The following RARB variants were observed in gnomAD, a reference collection of about 807,000 sequenced individuals.
RARB encodes the protein HBV-activated protein.
Under a neutral mutation model 51.9 loss-of-function variants are expected in RARB, and 17 were observed. That is an observed-to-expected ratio of 0.33 (90% CI 0.22 to 0.49). The LOEUF (loss-of-function observed/expected upper bound fraction) is 0.49, where lower values mean the gene tolerates loss of function less well. RARB is among the 20% of genes least tolerant of loss of function. RARB has a pLI of 0.99. For synonymous variants in RARB, 215 were observed against 195.4 expected (o/e 1.10, Z -0.84); for missense variants, 369 against 550.8 (o/e 0.67, Z 3.30).
intron 2 of RARB, among the ~76,000 whole-genome samples, chr3:25,483,145 C>T (rs1049119111): frequency 6.6e-6 from 1 of 152,128 alleles, no homozygotes; most frequent in African/African-American, 2.4e-5. Flanking sequence ...CAGAGAACCC[C>T]AAAATGTCAA....
chr3:25,169,021 C>T (rs2125350405), intron 4 of RARB, among the ~76,000 whole-genome samples: 1 of 152,224 alleles, frequency 6.6e-6, no homozygotes, highest in African/African-American at 2.4e-5. Context: ...ATGTAAAAAG[C>T]TTGGGGAAAT....
intron 2 of RARB, among the ~76,000 whole-genome samples, chr3:24,906,168 G>A (rs559092295): frequency 2.2e-4 from 33 of 152,278 alleles, no homozygotes; most frequent in African/African-American, 7.9e-4. Flanking sequence ...GGGATGTCGT[G>A]GCCACATTTT....
chr3:25,230,924 G>A (rs981017619), intron 5 of RARB, among the ~76,000 whole-genome samples: 3 of 152,118 alleles, frequency 2.0e-5, no homozygotes, highest in African/African-American at 7.2e-5. Flanking sequence ...CACAAATCTA[G>A]TTGGTCTTCT....
chr3:24,854,396 T>A (rs766106534), intron 1 of RARB, among the ~76,000 whole-genome samples: 2 of 152,258 alleles, frequency 1.3e-5, no homozygotes, highest in Admixed American at 1.3e-4. Flanking sequence ...CTTGAGTGAC[T>A]ATACTGTACC....
rs150119149 is a variant in RARB, at chr3:25,480,880, G to T, written c.306+19539G>T. ...ATGGAGTACAAGCTTATAATGATGA[G>T]AATCACCTGGATGGCTTGTCAAAGG... is the stretch of plus-strand genomic sequence containing the variant. On this transcript the variant is annotated intron_variant, in intron 2 of 7. Transcript: ENST00000330688. Among the ~76,000 whole-genome samples, 748 of 152,150 alleles carry T rather than the reference G, an allele frequency of 4.9e-3. 9 individuals carry two copies. Among genetic ancestry groups the T allele is most frequent in the African/African-American group, 0.017 (706 of 41,498 alleles).
In RARB at chr3:25,203,900, A is replaced by G. The variant is rs1173666572; in HGVS notation, c.178+29325A>G. Among the ~76,000 whole-genome samples the G allele has an allele frequency of 2.0e-5, 3 of 152,054 alleles. No individual in the cohort carries two copies. The East Asian group carries it at 5.8e-4, about 29-fold the overall frequency. On this transcript the variant is annotated intron_variant, in intron 5 of 11. Coordinates refer to the RARB transcript ENST00000383772. The stretch of plus-strand genomic sequence containing the variant: ...CATTTCAATTATGAATCTGACAATT[A>G]TGTGTCTTGGAGTTGCTCTTCTTGA...
At chr3:25,326,339 G>C (rs1213829870) in intron 5 of RARB, among the ~76,000 whole-genome samples, 1 of 152,144 alleles carries the variant, frequency 6.6e-6, no homozygotes, top group African/African-American at 2.4e-5. Context: ...CTGATAGTTG[G>C]ACAAAGGTTT....
At chr3:24,832,709 G>A (rs1702299367) in intron 1 of RARB, among the ~76,000 whole-genome samples, 1 of 144,880 alleles carries the variant, frequency 6.9e-6, no homozygotes, top group South Asian at 2.2e-4. Flanking sequence ...GAAAATAAAT[G>A]CAATAACATA....
At chr3:24,852,343 C>G (rs1280298928) in intron 1 of RARB, among the ~76,000 whole-genome samples, 3 of 152,132 alleles carry the variant, frequency 2.0e-5, no homozygotes, top group Non-Finnish European at 2.9e-5. Flanking sequence ...ACCGAACCCA[C>G]CTAACAAATC....
chr3:25,227,094 C>T (rs1221459273), intron 5 of RARB, among the ~76,000 whole-genome samples: 1 of 152,198 alleles, frequency 6.6e-6, no homozygotes, highest in African/African-American at 2.4e-5. Context: ...GCTTAGGAGA[C>T]ATGCAGGGCT....
intron 2 of RARB, among the ~76,000 whole-genome samples, chr3:24,980,530 C>A (rs1382040939): frequency 6.6e-6 from 1 of 152,088 alleles, no homozygotes; most frequent in African/African-American, 2.4e-5. Flanking sequence ...CGATCAAATT[C>A]GATCCTTTCT....
intron 2 of RARB, among the ~76,000 whole-genome samples, chr3:25,038,726 A>G (rs1698054531): frequency 6.6e-6 from 1 of 152,122 alleles, no homozygotes; most frequent in African/African-American, 2.4e-5. Context: ...TCTTAACATA[A>G]TGAGACAGTT....
chr3:24,964,974 G>T (rs557109546), intron 2 of RARB, among the ~76,000 whole-genome samples: 1 of 152,286 alleles, frequency 6.6e-6, no homozygotes, highest in Admixed American at 6.5e-5. Context: ...GTGATTAAAA[G>T]TATTGGCAAC....
At chr3:24,870,879 G>A (rs892897644) in intron 2 of RARB, among the ~76,000 whole-genome samples, 2 of 152,016 alleles carry the variant, frequency 1.3e-5, no homozygotes, top group African/African-American at 4.8e-5. Flanking sequence ...AACTCTTTGG[G>A]TAAAGAACAT....
intron 1 of RARB, among the ~76,000 whole-genome samples, chr3:24,846,881 A>G (rs1702491763): frequency 6.6e-6 from 1 of 152,140 alleles, no homozygotes; most frequent in Non-Finnish European, 1.5e-5. Context: ...AAAAAAAAAA[A>G]AAAGGAAGAG....
At chr3:24,852,101 T>C (rs1702567605) in intron 1 of RARB, among the ~76,000 whole-genome samples, 3 of 152,218 alleles carry the variant, frequency 2.0e-5, no homozygotes, top group Admixed American at 1.3e-4. Flanking sequence ...TGAACCTAAT[T>C]TTTTTGTTTA....
At chr3:25,066,798 T>C (rs1698673124) in intron 3 of RARB, among the ~76,000 whole-genome samples, 1 of 152,170 alleles carries the variant, frequency 6.6e-6, no homozygotes, top group African/African-American at 2.4e-5. Context: ...TGCCATATTA[T>C]ACTCCTTTGT....
chr3:25,281,130 C>G (rs1220992840), intron 5 of RARB, among the ~76,000 whole-genome samples: 1 of 152,166 alleles, frequency 6.6e-6, no homozygotes, highest in Non-Finnish European at 1.5e-5. Context: ...AATCCACTCT[C>G]TTGACTGGAA....
intron 2 of RARB, among the ~76,000 whole-genome samples, chr3:24,867,143 G>T (rs896029447): frequency 6.6e-6 from 1 of 152,084 alleles, no homozygotes; most frequent in Non-Finnish European, 1.5e-5. Flanking sequence ...ATTATGGCTG[G>T]CAATTGTTTA....
Sources: gnomAD v4.1 joint callset for allele counts (sites outside exome capture counted in the v4.1 genomes callset) on GRCh38, gnomAD v4.1.1 for gene constraint, MANE v1.5 for transcripts, NCBI Gene and HGNC (gene_info 2026-07-23, HGNC 2026-07-21) for gene names.